RPS6KC1: variants seen among roughly 807,000 people sequenced by gnomAD.
RPS6KC1 encodes the protein inactive ribosomal protein S6 kinase delta-1.
RPS6KC1 carries 54 observed loss-of-function variants against 103.8 expected under a neutral mutation model. The ratio of observed to expected loss-of-function variants is 0.52; its 90% CI spans 0.42 to 0.65. The LOEUF (loss-of-function observed/expected upper bound fraction) is 0.65, where lower values mean the gene tolerates loss of function less well. RPS6KC1 is among the 30% of genes least tolerant of loss of function. The pLI, the probability that RPS6KC1 is intolerant of heterozygous loss-of-function variation, is 0.00. For missense variants in RPS6KC1, 1,151 were observed against 1,253.8 expected (o/e 0.92, Z 1.24); for synonymous variants, 439 against 438.7 (o/e 1.00, Z -0.01).
chr1:213,137,075 T>C (rs763775510), intron 6 of RPS6KC1, among the ~76,000 whole-genome samples: 1 of 152,180 alleles, frequency 6.6e-6, no homozygotes, highest in Non-Finnish European at 1.5e-5. Context: ...TTCCACCCTC[T>C]TCTCTGCAAT....
chr1:213,255,872 C>T (rs559166097), intron 12 of RPS6KC1, among the ~76,000 whole-genome samples: 2 of 152,278 alleles, frequency 1.3e-5, no homozygotes, highest in South Asian at 4.1e-4. Context: ...AAATGCAGAA[C>T]TCTTTGTCGT....
chr1:213,641,013 G>T, the RPS6KC1 span, among the ~76,000 whole-genome samples: 1 of 151,812 alleles, frequency 6.6e-6, no homozygotes, highest in Non-Finnish European at 1.5e-5. Flanking sequence ...GAGCTCTGTT[G>T]TTAGGTATAT....
At chr1:213,640,566 C>A in the RPS6KC1 span, among the ~76,000 whole-genome samples, 1 of 151,584 alleles carries the variant, frequency 6.6e-6, no homozygotes, top group African/African-American at 2.4e-5. Context: ...CCTCTAAACA[C>A]GGCTTTAGGT....
the RPS6KC1 span, among the ~76,000 whole-genome samples, chr1:213,554,426 T>G: frequency 2.8e-3 from 433 of 152,350 alleles, 2 homozygotes; most frequent in African/African-American, 9.6e-3. Context: ...ACTATAGCCT[T>G]GTAGTATAGC....
the RPS6KC1 span, among the ~76,000 whole-genome samples, chr1:213,381,100 A>T: frequency 6.6e-6 from 1 of 152,190 alleles, no homozygotes; most frequent in Non-Finnish European, 1.5e-5. Context: ...GGGCAGAGAG[A>T]TACCTGGAAC....
chr1:213,098,057 A>AT (rs1259016274), intron 3 of RPS6KC1, among the ~76,000 whole-genome samples: 4 of 152,084 alleles, frequency 2.6e-5, no homozygotes, highest in African/African-American at 9.7e-5. Context: ...TCAGTAACTT[A>AT]TTTTTTGTAT....
At chr1:213,818,805 T>G in the RPS6KC1 span, 1 of 152,180 alleles carries the variant, frequency 6.6e-6, no homozygotes, top group Non-Finnish European at 1.5e-5. Context: ...TAGCAGTAGA[T>G]AGAAAGCATG....
At chr1:213,176,730 G>A (rs1324671613) in intron 8 of RPS6KC1, 6 of 303,174 alleles carry the variant, frequency 2.0e-5, no homozygotes, top group Non-Finnish European at 3.2e-5. Flanking sequence ...GCATTCAGTT[G>A]AGTAAGGGGT....
chr1:213,852,048 G>T, the RPS6KC1 span, among the ~76,000 whole-genome samples: 3 of 151,780 alleles, frequency 2.0e-5, no homozygotes, highest in Non-Finnish European at 2.9e-5. Flanking sequence ...CCCACATACT[G>T]CCCACTGTTC....
intron 3 of RPS6KC1, 149 bp from the exon 4 acceptor site, chr1:213,104,305 A>G (rs2082272404): frequency 4.3e-6 from 2 of 464,012 alleles, no homozygotes; most frequent in South Asian, 4.1e-5. Flanking sequence ...TTCTAATTGT[A>G]GAGATTAGAT....
At chr1:213,195,260 A>G (rs28623654) in intron 8 of RPS6KC1, among the ~76,000 whole-genome samples, 19,204 of 152,162 alleles carry the variant, frequency 0.13, 2,991 homozygotes, top group African/African-American at 0.37. Flanking sequence ...ACATAGAACT[A>G]TTAATATGTA....
At chr1:213,367,933 T>A in the RPS6KC1 span, among the ~76,000 whole-genome samples, 1 of 152,246 alleles carries the variant, frequency 6.6e-6, no homozygotes, top group Non-Finnish European at 1.5e-5. Context: ...GTTTCTTTTA[T>A]CCCTAAAATT....
At chr1:213,710,272 C>CCCTTA in the RPS6KC1 span, among the ~76,000 whole-genome samples, 1 of 152,080 alleles carries the variant, frequency 6.6e-6, no homozygotes, top group Admixed American at 6.6e-5. Flanking sequence ...TTATGTAATG[C>CCCTTA]CCTTCTTTGT....
the RPS6KC1 span, among the ~76,000 whole-genome samples, chr1:213,311,490 C>T: frequency 6.6e-6 from 1 of 152,086 alleles, no homozygotes. Context: ...TCTTTTAGCT[C>T]CTCTGGTCAT....
the RPS6KC1 span, among the ~76,000 whole-genome samples, chr1:213,412,613 T>C: frequency 6.6e-6 from 1 of 152,328 alleles, no homozygotes; most frequent in East Asian, 1.9e-4. Context: ...AGGCAAGTGA[T>C]GTAGTCTTGG....
chr1:213,761,660 T>C, the RPS6KC1 span, among the ~76,000 whole-genome samples: 3 of 152,240 alleles, frequency 2.0e-5, no homozygotes, highest in Admixed American at 6.5e-5. Context: ...AATGGCTCAG[T>C]GCCTCCTTTG....
At chr1:213,261,056 ATAAAC>A (rs1465906932) in intron 12 of RPS6KC1, among the ~76,000 whole-genome samples, 1 of 152,224 alleles carries the variant, frequency 6.6e-6, no homozygotes, top group Non-Finnish European at 1.5e-5. Flanking sequence ...AGATGATACT[ATAAAC>A]TAGGTCTTCG....
chr1:213,484,445 G>T, the RPS6KC1 span, among the ~76,000 whole-genome samples: 1 of 152,212 alleles, frequency 6.6e-6, no homozygotes, highest in African/African-American at 2.4e-5. Flanking sequence ...GCAAGCCTCA[G>T]TTCCTTGTCA....
At chr1:213,568,928 C>T in the RPS6KC1 span, among the ~76,000 whole-genome samples, 3 of 152,140 alleles carry the variant, frequency 2.0e-5, no homozygotes, top group South Asian at 4.2e-4. Context: ...CAACCATGAG[C>T]GGGAAGTAGC....
Sources: gnomAD v4.1 joint callset for allele counts (sites outside exome capture counted in the v4.1 genomes callset) on GRCh38, gnomAD v4.1.1 for gene constraint, MANE v1.5 for transcripts, NCBI Gene and HGNC (gene_info 2026-07-23, HGNC 2026-07-21) for gene names.